EDEM1: variants seen among roughly 807,000 people sequenced by gnomAD.
EDEM1 encodes ER degradation enhancing alpha-mannosidase like protein 1.
EDEM1 carries 67 observed loss-of-function variants against 74.4 expected under a neutral mutation model. The ratio of observed to expected loss-of-function variants is 0.90; its 90% CI spans 0.74 to 1.10. The LOEUF (loss-of-function observed/expected upper bound fraction) is 1.10, where lower values mean the gene tolerates loss of function less well. Ranked by LOEUF, EDEM1 falls within the 50% of genes least tolerant of loss-of-function variation. The pLI, the probability that EDEM1 is intolerant of heterozygous loss-of-function variation, is 0.00. For missense variants in EDEM1, 926 were observed against 851.6 expected (o/e 1.09, Z -1.09); for synonymous variants, 382 against 335.9 (o/e 1.14, Z -1.50).
At chr3:5,206,823 A>G (rs990031185) in intron 6 of EDEM1, among the ~76,000 whole-genome samples, 4 of 152,180 alleles carry the variant, frequency 2.6e-5, no homozygotes, top group Non-Finnish European at 5.9e-5. Flanking sequence ...CTCAGGTGAA[A>G]TCCAGCATAG....
At chr3:5,202,604 T>C (rs914882921) in intron 4 of EDEM1, among the ~76,000 whole-genome samples, 2 of 152,186 alleles carry the variant, frequency 1.3e-5, no homozygotes, top group Non-Finnish European at 1.5e-5. Context: ...AGTGAGTTCA[T>C]AGTGGTTCAT....
At chr3:5,208,039 T>C (rs891815462) in intron 7 of EDEM1, 54 bp from the exon 8 acceptor site, 6 of 1,514,608 alleles carry the variant, frequency 4.0e-6, no homozygotes, top group Non-Finnish European at 5.3e-6. Flanking sequence ...TTGTGCCATG[T>C]CTTGTCACTC....
chr3:5,208,022 A>T, intron 7 of EDEM1, 71 bp from the exon 8 acceptor site: 2 of 1,494,976 alleles, frequency 1.3e-6, no homozygotes, highest in South Asian at 2.8e-5. Context: ...GAGCCCAGGC[A>T]GGCCCTTTGT....
intron 1 of EDEM1, among the ~76,000 whole-genome samples, chr3:5,191,967 A>T (rs1470162624): frequency 6.6e-6 from 1 of 152,214 alleles, no homozygotes; most frequent in South Asian, 2.1e-4. Context: ...TATTGCTATT[A>T]AAACAACAAA....
At chr3:5,195,539 C>T (rs1324015303) in intron 2 of EDEM1, among the ~76,000 whole-genome samples, 11 of 151,650 alleles carry the variant, frequency 7.3e-5, no homozygotes, top group African/African-American at 2.7e-4. Flanking sequence ...TTTTTTTTAA[C>T]CAGTTTCTAT....
At chr3:5,194,123 G>A (rs571947284) in intron 1 of EDEM1, among the ~76,000 whole-genome samples, 23 of 152,332 alleles carry the variant, frequency 1.5e-4, no homozygotes, top group African/African-American at 5.1e-4. Context: ...GTGAGATAAG[G>A]ACCCATTAGG....
rs200217097 is a variant in EDEM1, at chr3:5,205,108, C to T, written c.1084C>T (p.Gln362Ter). The T allele has an allele frequency of 6.2e-7, 1 of 1,614,196 alleles. No homozygotes were observed. Among genetic ancestry groups the T allele is most frequent in the Admixed American group, 1.7e-5 (1 of 60,018 alleles). ...TCAGACGGGCCACTGGGTTGGAAAG[C>T]AGAGTGGCCTGGGTGCCGGGCTGGA... ...NIQTGHWVGK[Q>*]SGLGAGLDSF... is the part of the protein sequence containing the mutation. The change falls in exon 6 of 12, where the codon CAG becomes TAG. Residue 362 changes from glutamine (Q) to a stop codon, truncating the protein, a stop_gained. Coordinates refer to ENST00000256497, the MANE Select transcript of EDEM1 (RefSeq NM_014674.3). LOFTEE classifies it high-confidence loss of function.
intron 2 of EDEM1, 74 bp from the exon 3 acceptor site, chr3:5,199,518 A>G: frequency 1.9e-6 from 2 of 1,068,504 alleles, no homozygotes; most frequent in Non-Finnish European, 1.4e-6. Context: ...AGGTGACGTG[A>G]CTGGGCTGCT....
At chr3:5,213,593 A>G in intron 11 of EDEM1, 71 bp downstream of exon 11, 1 of 1,429,820 alleles carries the variant, frequency 7.0e-7, no homozygotes, top group Non-Finnish European at 9.5e-7. Context: ...TTAGTTGTTC[A>G]GACTTCCTGA....
Position 5,192,812 on chromosome 3 carries a change from A to G in EDEM1, c.510-2397A>G, listed in dbSNP as rs145508043. ...CCTTTTGAAAGAGGATGTAGCAATT[A>G]TTTGGTAAGAAAGAATTAAAAGTGT... is the stretch of plus-strand genomic sequence containing the variant. On this transcript the variant is annotated intron_variant, in intron 1 of 11. Transcript: ENST00000256497. Among the ~76,000 whole-genome samples the G allele has an allele frequency of 1.4e-3, 209 of 152,124 alleles. 1 individual carries two copies. The highest frequency in any genetic ancestry group is 4.9e-3 in the African/African-American group (203 of 41,448).
At chr3:5,188,432 G>C in intron 1 of EDEM1, 118 bp downstream of exon 1, 1 of 1,164,004 alleles carries the variant, frequency 8.6e-7, no homozygotes. Context: ...TTAGGGTCCC[G>C]GGCAGCGCTC....
chr3:5,190,590 A>G (rs1330261326), intron 1 of EDEM1, among the ~76,000 whole-genome samples: 1 of 152,168 alleles, frequency 6.6e-6, no homozygotes, highest in Admixed American at 6.5e-5. Flanking sequence ...TGGTTTGGTT[A>G]TGCATTGGTT....
At chr3:5,199,537 A>G (rs1044289855) in intron 2 of EDEM1, 55 bp from the exon 3 acceptor site, 10 of 1,351,292 alleles carry the variant, frequency 7.4e-6, no homozygotes, top group African/African-American at 4.3e-5. Flanking sequence ...CTGTGATGAT[A>G]CAGCCTCAGT....
At chr3:5,215,305 T>G (rs570137259) in intron 11 of EDEM1, among the ~76,000 whole-genome samples, 93 of 149,434 alleles carry the variant, frequency 6.2e-4, no homozygotes, top group African/African-American at 2.1e-3. Flanking sequence ...GGTGGGGGGG[T>G]TTTAATTAAA....
intron 2 of EDEM1, among the ~76,000 whole-genome samples, chr3:5,199,069 A>G (rs567142541): frequency 1.2e-3 from 176 of 152,332 alleles, no homozygotes; most frequent in African/African-American, 4.0e-3. Flanking sequence ...CCTGTGCTCC[A>G]AAAGATATTA....
intron 1 of EDEM1, among the ~76,000 whole-genome samples, chr3:5,193,800 G>A (rs999890817): frequency 1.2e-4 from 19 of 152,154 alleles, no homozygotes; most frequent in Non-Finnish European, 1.8e-4. Flanking sequence ...GTCTTGCCAT[G>A]TTGGCCAGGC....
At chr3:5,214,737 C>A (rs938042622) in intron 11 of EDEM1, among the ~76,000 whole-genome samples, 5 of 152,132 alleles carry the variant, frequency 3.3e-5, no homozygotes, top group Admixed American at 1.3e-4. Flanking sequence ...AGGATTTGGA[C>A]CCAGGCAGTG....
chr3:5,207,220 C>G lies in EDEM1; in HGVS notation c.1285C>G (p.Gln429Glu). ...LYVNVNMFSG[Q>E]LMNTWIDSLQ... ...TGTCAACGTGAACATGTTCAGTGGG[C>G]AGCTGATGAACACCTGGATTGACTC... Residue 429 changes from glutamine to glutamate, a missense_variant, in exon 7 of 12, where the codon CAG (glutamine) becomes GAG (glutamate). Gln to Glu is a conservative substitution (Grantham distance 29). Transcript: ENST00000256497. 1 of 1,614,188 alleles carries G rather than the reference C, an allele frequency of 6.2e-7. No homozygotes were observed.
chr3:5,200,708 A>G (rs1269495663), intron 3 of EDEM1, among the ~76,000 whole-genome samples: 5 of 152,164 alleles, frequency 3.3e-5, no homozygotes, highest in Non-Finnish European at 7.3e-5. Context: ...TGGGTCTACA[A>G]GGACTTAGGT....
Sources: gnomAD v4.1 joint callset for allele counts (sites outside exome capture counted in the v4.1 genomes callset) on GRCh38, gnomAD v4.1.1 for gene constraint, MANE v1.5 for transcripts, NCBI Gene and HGNC (gene_info 2026-07-23, HGNC 2026-07-21) for gene names.